Variants in DOCK1 observed in about 807,000 individuals in gnomAD.
DOCK1 encodes dedicator of cytokinesis protein 1.
A neutral mutation model predicts 262.7 loss-of-function variants in DOCK1; 138 were observed. The ratio of observed to expected loss-of-function variants is 0.53; its 90% CI spans 0.46 to 0.61. The LOEUF (loss-of-function observed/expected upper bound fraction) is 0.61. Ranked by LOEUF, DOCK1 falls within the 20% of genes least tolerant of loss-of-function variation. DOCK1 has a pLI of 0.00. For synonymous variants in DOCK1, 866 were observed against 867.4 expected (o/e 1.00, Z 0.03); for missense variants, 1,908 against 2,370.7 (o/e 0.80, Z 4.05).
intron 16 of DOCK1, among the ~76,000 whole-genome samples, chr10:127,030,893 G>A (rs974148138): frequency 1.3e-5 from 2 of 151,268 alleles, no homozygotes; most frequent in Admixed American, 6.6e-5. Context: ...GAATTATCAC[G>A]AAAATAAATC....
intron 25 of DOCK1, among the ~76,000 whole-genome samples, chr10:127,116,119 G>C (rs2132946836): frequency 6.6e-6 from 1 of 152,214 alleles, no homozygotes; most frequent in Non-Finnish European, 1.5e-5. Flanking sequence ...CTGTTTGTCT[G>C]TTTGTTGTTT....
At chr10:127,335,172 G>C (rs777301329) in intron 29 of DOCK1, among the ~76,000 whole-genome samples, 9 of 152,206 alleles carry the variant, frequency 5.9e-5, no homozygotes, top group Admixed American at 1.3e-4. Context: ...AGGACACTTA[G>C]GTGAACAAGC....
chr10:127,354,755 T>C (rs1384674389), intron 32 of DOCK1, 28 bp downstream of exon 32: 1 of 1,613,604 alleles, frequency 6.2e-7, no homozygotes, highest in East Asian at 2.2e-5. Context: ...GGGGGCATAG[T>C]GAATATCTTG....
chr10:127,266,496 C>T (rs936570997), intron 29 of DOCK1, among the ~76,000 whole-genome samples: 24 of 152,036 alleles, frequency 1.6e-4, no homozygotes, highest in Non-Finnish European at 2.9e-4. Flanking sequence ...CACACACACA[C>T]ACACACACAC....
chr10:127,281,377 T>C (rs1420381419), intron 29 of DOCK1, among the ~76,000 whole-genome samples: 3 of 152,158 alleles, frequency 2.0e-5, no homozygotes, highest in Admixed American at 6.5e-5. Context: ...GACACAGCAA[T>C]GACACAGGAG....
At chr10:127,293,530 G>T (rs1203809587) in intron 29 of DOCK1, among the ~76,000 whole-genome samples, 1 of 152,150 alleles carries the variant, frequency 6.6e-6, no homozygotes, top group African/African-American at 2.4e-5. Flanking sequence ...CACTGTGATG[G>T]CTTTGCCATT....
intron 39 of DOCK1, 109 bp from the exon 40 acceptor site, chr10:127,404,216 T>A: frequency 3.2e-5 from 23 of 720,318 alleles, no homozygotes; most frequent in East Asian, 6.1e-5. Flanking sequence ...CATCTCCCCC[T>A]CCCACCCTAT....
chr10:126,962,357 C>T (rs1275664185), intron 1 of DOCK1, among the ~76,000 whole-genome samples: 1 of 152,222 alleles, frequency 6.6e-6, no homozygotes. Flanking sequence ...TGGGGTTTCT[C>T]CATGTTGGTC....
chr10:127,329,425 C>G (rs2062878504), intron 29 of DOCK1, among the ~76,000 whole-genome samples: 2 of 151,328 alleles, frequency 1.3e-5, no homozygotes, highest in South Asian at 4.2e-4. Flanking sequence ...GGTGCTAGGG[C>G]AGGGTCTCTG....
At chr10:127,210,009 T>C (rs556020481) in intron 27 of DOCK1, among the ~76,000 whole-genome samples, 1 of 152,324 alleles carries the variant, frequency 6.6e-6, no homozygotes, top group Admixed American at 6.5e-5. Flanking sequence ...CAAACTTGAC[T>C]GCTAGGCTGC....
intron 29 of DOCK1, among the ~76,000 whole-genome samples, chr10:127,304,978 G>A (rs2061821407): frequency 6.6e-6 from 1 of 152,134 alleles, no homozygotes; most frequent in Admixed American, 6.5e-5. Context: ...TTTTATGTAA[G>A]TCCAATGCTT....
At chr10:127,132,660 G>T (rs1300970449) in intron 27 of DOCK1, among the ~76,000 whole-genome samples, 1 of 152,174 alleles carries the variant, frequency 6.6e-6, no homozygotes, top group Non-Finnish European at 1.5e-5. Context: ...GCCATTGGGT[G>T]TGTGTTTTTC....
At chr10:127,139,655 G>T (rs1019707899) in intron 27 of DOCK1, among the ~76,000 whole-genome samples, 5 of 152,198 alleles carry the variant, frequency 3.3e-5, no homozygotes, top group African/African-American at 1.2e-4. Context: ...GTGATGTGGT[G>T]CACTAGAAGG....
intron 29 of DOCK1, among the ~76,000 whole-genome samples, chr10:127,272,566 A>G (rs1379936323): frequency 1.3e-5 from 2 of 152,296 alleles, no homozygotes; most frequent in East Asian, 3.9e-4. Context: ...TCTATTTTTT[A>G]TAGACAGAAA....
rs550387689 is a variant in DOCK1, at chr10:127,249,369, A to G, written c.2949+1260A>G. Among the ~76,000 whole-genome samples the G allele has an allele frequency of 3.2e-4, 46 of 144,884 alleles. 1 individual carries two copies. Among genetic ancestry groups the G allele is most frequent in the East Asian group, 2.8e-3 (14 of 4,924 alleles). ...TATTTTTATACTTATATATACATAT[A>G]TATACACATATGTACATATATACAC... On this transcript the variant is annotated intron_variant, in intron 28 of 51. Coordinates refer to ENST00000623213, the MANE Select transcript of DOCK1 (RefSeq NM_001290223.2).
intron 1 of DOCK1, among the ~76,000 whole-genome samples, chr10:126,935,637 G>C (rs917041992): frequency 6.6e-6 from 1 of 152,204 alleles, no homozygotes; most frequent in Non-Finnish European, 1.5e-5. Context: ...CTTCCTGTGT[G>C]TTCTGCTGTT....
chr10:127,427,512 T>A (rs2068897767), intron 47 of DOCK1, among the ~76,000 whole-genome samples: 1 of 152,146 alleles, frequency 6.6e-6, no homozygotes, highest in Non-Finnish European at 1.5e-5. Flanking sequence ...TCACACTCTG[T>A]GAAGCAGGCA....
At chr10:127,402,624 A>G in intron 38 of DOCK1, 3 of 511,864 alleles carry the variant, frequency 5.9e-6, no homozygotes, top group South Asian at 4.2e-5. Flanking sequence ...TTTTAGGTGG[A>G]CAGCTTGGGA....
chr10:127,271,167 T>C (rs955060019), intron 29 of DOCK1, among the ~76,000 whole-genome samples: 4 of 152,106 alleles, frequency 2.6e-5, no homozygotes, highest in Non-Finnish European at 5.9e-5. Context: ...TTGGATGACA[T>C]TTAAAATGTC....
Sources: allele counts gnomAD v4.1 joint callset (sites outside exome capture counted in the v4.1 genomes callset), GRCh38; gene constraint gnomAD v4.1.1; transcripts MANE v1.5; gene names NCBI Gene and HGNC (gene_info 2026-07-23, HGNC 2026-07-21).